Variants in TBC1D9 observed in about 807,000 individuals in gnomAD.
TBC1D9 encodes the protein TBC1 domain family member 9, also known as TBC1 domain family member 9A.
A neutral mutation model predicts 132.0 loss-of-function variants in TBC1D9; 63 were observed. That is an observed-to-expected ratio of 0.48 (90% CI 0.39 to 0.59). The LOEUF is 0.59. TBC1D9 is among the 20% of genes least tolerant of loss of function. The pLI is 0.00. For missense variants in TBC1D9, 1,261 were observed against 1,592.7 expected (o/e 0.79, Z 3.54); for synonymous variants, 610 against 609.9 (o/e 1.00, Z 0.00).
intron 1 of TBC1D9, among the ~76,000 whole-genome samples, chr4:140,742,934 T>G (rs1320763956): frequency 6.6e-6 from 1 of 151,164 alleles, no homozygotes; most frequent in African/African-American, 2.4e-5. Flanking sequence ...AGAAACTACC[T>G]TTTACTGGTA....
chr4:140,699,516 T>G (rs1439633863), intron 2 of TBC1D9, among the ~76,000 whole-genome samples: 1 of 152,196 alleles, frequency 6.6e-6, no homozygotes, highest in African/African-American at 2.4e-5. Flanking sequence ...GTGATCTTCC[T>G]CACAAAAATC....
At chr4:140,643,777 C>T in intron 13 of TBC1D9, 1 of 959,826 alleles carries the variant, frequency 1.0e-6, no homozygotes, top group South Asian at 1.5e-5. Flanking sequence ...TCTGGGCACT[C>T]AGAGGGCTCG....
chr4:140,622,119 G>GA lies in TBC1D9; in HGVS notation c.*75dup, dbSNP rs1484918263. On this transcript the variant is annotated 3_prime_UTR_variant, in exon 21 of 21. Transcript: ENST00000442267. ...AAATATTTAATTTAAAAGAAAGAAA[G>GA]AAAAAACTCAACACAGAAGAACATA... The GA allele has an allele frequency of 5.4e-6, 8 of 1,484,380 alleles. No homozygotes were observed. The highest frequency in any genetic ancestry group is 1.8e-6 in the Non-Finnish European group (2 of 1,116,422). The allele number at this position is 1,484,380 out of a possible 1,614,324, so 92.0% of individuals were successfully genotyped here. A position where few individuals can be genotyped will look rare whatever the true frequency, so the allele number is the denominator to read the frequency against.
At position 140,679,759 on chromosome 4, in the gene TBC1D9, G is replaced by C; in HGVS notation, c.445C>G (p.His149Asp). The C allele has an allele frequency of 6.2e-7, 1 of 1,613,800 alleles. No homozygotes were observed. Among genetic ancestry groups the C allele is most frequent in the South Asian group, 1.1e-5 (1 of 91,072 alleles). Reference protein sequence around the residue: ...EKFKEAIVKFHRLFGMPEEEK... With the variant: ...EKFKEAIVKFDRLFGMPEEEK... ...TCCTCTGGCATCCCAAACAGCCTATGAAATTTCACAATGGCTTCTTTAAAC... is the reference window on the plus strand; with the variant it reads ...TCCTCTGGCATCCCAAACAGCCTATCAAATTTCACAATGGCTTCTTTAAAC... Residue 149 changes from histidine to aspartate, a missense_variant, in exon 4 of 21, where the codon CAT becomes GAT. By Grantham distance (81) the His-to-Asp change is moderately conservative. Coordinates refer to ENST00000442267, the MANE Select transcript of TBC1D9 (RefSeq NM_015130.3).
intron 13 of TBC1D9, among the ~76,000 whole-genome samples, chr4:140,650,922 GCA>G (rs1449584246): frequency 6.6e-6 from 1 of 152,126 alleles, no homozygotes; most frequent in Non-Finnish European, 1.5e-5. Context: ...TGTAGAAAAG[GCA>G]CAGTTTCATA....
intron 2 of TBC1D9, among the ~76,000 whole-genome samples, chr4:140,700,580 G>T (rs566779551): frequency 6.6e-6 from 1 of 152,204 alleles, no homozygotes; most frequent in Non-Finnish European, 1.5e-5. Context: ...AGCACTTTGG[G>T]AGGCTGAGGT....
intron 1 of TBC1D9, among the ~76,000 whole-genome samples, chr4:140,739,262 G>A (rs752451545): frequency 7.9e-5 from 12 of 152,164 alleles, no homozygotes; most frequent in Non-Finnish European, 1.5e-4. Context: ...TGGGATTACA[G>A]GCTGAGCCAC....
chr4:140,717,586 G>A (rs2046624), intron 1 of TBC1D9, among the ~76,000 whole-genome samples: 63,267 of 152,012 alleles, frequency 0.42, 14,615 homozygotes, highest in African/African-American at 0.62. Flanking sequence ...GCTGAAAATG[G>A]GCAAGGGCAG....
Position 140,657,145 on chromosome 4 carries a change from T to C in TBC1D9, c.2289A>G (p.Glu763=). 2 of 1,613,950 alleles carry C rather than the reference T, an allele frequency of 1.2e-6. No homozygotes were observed. Among genetic ancestry groups the C allele is most frequent in the Non-Finnish European group, 1.7e-6 (2 of 1,179,854 alleles). ...HLHSLLSDDV[E]PYPEVDIFRL... ...TAAAGATGTCTACCTCAGGGTAAGG[T>C]TCCACATCATCGCTGAGCAAGGAGT... Residue 763 remains glutamate, a synonymous_variant, in exon 13 of 21, where the codon GAA becomes GAG. Coordinates refer to ENST00000442267, the MANE Select transcript of TBC1D9 (RefSeq NM_015130.3).
intron 6 of TBC1D9, among the ~76,000 whole-genome samples, chr4:140,673,825 C>A (rs568146465): frequency 2.3e-4 from 35 of 152,290 alleles, no homozygotes; most frequent in African/African-American, 8.2e-4. Context: ...AATCACCATT[C>A]TCTCAATTCC....
chr4:140,728,659 G>A (rs1377238118), intron 1 of TBC1D9, among the ~76,000 whole-genome samples: 3 of 150,992 alleles, frequency 2.0e-5, no homozygotes, highest in Middle Eastern at 3.2e-3. Flanking sequence ...GTGCCACCAC[G>A]CTCGGCTTTT....
At chr4:140,716,535 T>C (rs550055716) in intron 1 of TBC1D9, among the ~76,000 whole-genome samples, 47 of 152,168 alleles carry the variant, frequency 3.1e-4, no homozygotes, top group African/African-American at 1.1e-3. Flanking sequence ...GAAATCATCA[T>C]TGGCAATAAC....
In TBC1D9 at chr4:140,679,094, AGAG is replaced by A. The variant is rs1416164255; in HGVS notation, c.696_698del (p.Ser233del). ...AGGTCTCGTTGATGTTGAGGAATAC[AGAG>A]AAGAAATGCTCACTGGACCGTGTGC... On this transcript the variant is annotated inframe_deletion, in exon 5 of 21. Coordinates refer to ENST00000442267, the MANE Select transcript of TBC1D9 (RefSeq NM_015130.3). 6.2e-7 allele frequency: 1 copy of A among 1,613,860 alleles called. No individual in the cohort carries two copies. The highest frequency in any genetic ancestry group is 8.5e-7 in the Non-Finnish European group (1 of 1,179,864).
chr4:140,644,823 A>G (rs1737076374), intron 13 of TBC1D9: 2 of 417,908 alleles, frequency 4.8e-6, no homozygotes, highest in African/African-American at 4.2e-5. Context: ...CCGCAAAGTG[A>G]GGCAGGTGAT....
intron 13 of TBC1D9, chr4:140,642,562 C>T: frequency 9.6e-7 from 1 of 1,046,318 alleles, no homozygotes; most frequent in Non-Finnish European, 1.5e-6. Flanking sequence ...CTTTGTCGAG[C>T]TTGCTTGCCA....
Position 140,657,556 on chromosome 4 carries a change from A to G in TBC1D9, c.2178T>C (p.Asp726=). 1 of 1,613,910 alleles carries G rather than the reference A, an allele frequency of 6.2e-7. No individual in the cohort carries two copies. The highest frequency in any genetic ancestry group is 8.5e-7 in the Non-Finnish European group (1 of 1,179,842). ...CCAAAACGGTCATGGCCTCCCCATC[A>G]TCCTTGCAGTTCAACAGTTTGTCCA... ...ANVDKLLNCK[D]DGEAMTVLGR... The change falls in exon 12 of 21, where the codon GAT becomes GAC. Residue 726 remains aspartate, a synonymous_variant. Transcript: ENST00000442267.
At chr4:140,655,442 T>C (rs1434668998) in intron 13 of TBC1D9, among the ~76,000 whole-genome samples, 2 of 152,226 alleles carry the variant, frequency 1.3e-5, no homozygotes, top group Non-Finnish European at 2.9e-5. Flanking sequence ...ACTATTTGTC[T>C]CTTATCCACT....
chr4:140,685,693 A>C (rs188038264), intron 3 of TBC1D9, among the ~76,000 whole-genome samples: 14 of 152,330 alleles, frequency 9.2e-5, no homozygotes, highest in African/African-American at 3.4e-4. Context: ...TTAAATTTAC[A>C]TATAATGTTA....
chr4:140,701,754 T>C, intron 1 of TBC1D9, 140 bp from the exon 2 acceptor site: 2 of 642,668 alleles, frequency 3.1e-6, no homozygotes, highest in Non-Finnish European at 5.4e-6. Context: ...AAAAATTTCA[T>C]TTTAGGATGA....
Sources: gnomAD v4.1 joint callset for allele counts (sites outside exome capture counted in the v4.1 genomes callset) on GRCh38, gnomAD v4.1.1 for gene constraint, MANE v1.5 for transcripts, NCBI Gene and HGNC (gene_info 2026-07-23, HGNC 2026-07-21) for gene names.